CHDH: variants seen among roughly 807,000 people sequenced by gnomAD.
CHDH encodes choline dehydrogenase.
Under a neutral mutation model 56.9 loss-of-function variants are expected in CHDH, and 43 were observed. That is an observed-to-expected ratio of 0.76 (90% confidence interval 0.59 to 0.97). The LOEUF is 0.97. CHDH is among the 50% of genes least tolerant of loss of function. The pLI is 0.00. For missense variants in CHDH, 816 were observed against 821.1 expected (o/e 0.99, Z 0.08); for synonymous variants, 364 against 348.5 (o/e 1.04, Z -0.50).
intron 8 of CHDH, 125 bp downstream of exon 8, chr3:53,818,813 G>A (rs2095620494): frequency 2.7e-6 from 2 of 737,618 alleles, no homozygotes; most frequent in Admixed American, 3.9e-5. Flanking sequence ...TGACACGGTG[G>A]GGGACGACAG....
rs1196298126 is a variant in CHDH at position 53,823,401 on chromosome 3, A to G, written c.608T>C (p.Leu203Pro). The G allele has an allele frequency of 6.2e-7, 1 of 1,602,322 alleles. No individual in the cohort carries two copies. Residue 203 changes from leucine (L) to proline (P), a missense_variant, in exon 3 of 9, where the codon CTG becomes CCG. Physicochemically the swap from Leu to Pro is moderately conservative, Grantham distance 98 (BLOSUM62 -3). Coordinates refer to ENST00000315251, the MANE Select transcript of CHDH (RefSeq NM_018397.5). ...KTNHPLHCAF[L>P]EATQQAGYPL... ...GTAGCCGGCCTGCTGCGTGGCCTCC[A>G]GGAATGCGCAGTGCAGCGGGTGGTT...
chr3:53,823,842 G>A lies in CHDH; in HGVS notation c.167C>T (p.Ala56Val), dbSNP rs1226766112. The A allele has an allele frequency of 8.2e-6, 13 of 1,587,468 alleles. No individual in the cohort carries two copies. Among genetic ancestry groups the A allele is most frequent in the South Asian group, 1.1e-5 (1 of 89,566 alleles). ...VGAGSAGCVL[A>V]GRLTEDPAER... Reference sequence around the variant, plus strand: ...GGCGGGGTCCTCCGTGAGCCTCCCAGCCAGCACGCAGCCCGCCGAGCCCGC... The same window carrying A: ...GGCGGGGTCCTCCGTGAGCCTCCCAACCAGCACGCAGCCCGCCGAGCCCGC... The change falls in exon 3 of 9, where the codon GCT (alanine) becomes GTT (valine). Residue 56 changes from alanine (A) to valine (V), a missense_variant. Transcript: ENST00000315251.
intron 5 of CHDH, among the ~76,000 whole-genome samples, chr3:53,820,910 G>A (rs1241048426): frequency 2.0e-5 from 3 of 152,332 alleles, no homozygotes; most frequent in Non-Finnish European, 2.9e-5. Flanking sequence ...CAGGGCCTAC[G>A]CCTTCAGCAG....
At chr3:53,825,835 AC>A (rs2095638089) in intron 2 of CHDH, among the ~76,000 whole-genome samples, 1 of 152,310 alleles carries the variant, frequency 6.6e-6, no homozygotes, top group East Asian at 1.9e-4. Flanking sequence ...CTGTAGCCAG[AC>A]AAAAAACATA....
intron 2 of CHDH, among the ~76,000 whole-genome samples, chr3:53,836,306 C>A (rs1343937095): frequency 6.6e-6 from 1 of 152,230 alleles, no homozygotes; most frequent in Non-Finnish European, 1.5e-5. Flanking sequence ...CATGGCCCCC[C>A]AGGCCCTCTT....
intron 6 of CHDH, 23 bp downstream of exon 6, chr3:53,820,451 A>C: frequency 6.3e-7 from 1 of 1,598,146 alleles, no homozygotes; most frequent in African/African-American, 1.3e-5. Context: ...GTCTCCTCCC[A>C]GGTTACTGGT....
Position 53,819,101 on chromosome 3 carries a change from C to A in CHDH, c.1264-61G>T. 2 of 1,186,036 alleles carry A rather than the reference C, an allele frequency of 1.7e-6. No individual in the cohort carries two copies. Among genetic ancestry groups the A allele is most frequent in the South Asian group, 1.3e-5 (1 of 74,828 alleles). 73.5% of individuals were successfully genotyped at this position (1,186,036 alleles called of 1,614,324 possible). On this transcript the variant is annotated intron_variant, in intron 7 of 8. Transcript: ENST00000315251. The surrounding 1 kb of genome is among the most constrained non-coding windows in gnomAD (Gnocchi z 5.4). Reference sequence around the variant, plus strand: ...CATAGACATCCACAGTGACCTCTGTCAACCCTGGTTTACCTGTAGGGTGGG... The same window carrying A: ...CATAGACATCCACAGTGACCTCTGTAAACCCTGGTTTACCTGTAGGGTGGG...
intron 1 of CHDH, among the ~76,000 whole-genome samples, chr3:53,843,944 G>A (rs1300085188): frequency 1.3e-5 from 2 of 152,168 alleles, no homozygotes; most frequent in African/African-American, 4.8e-5. Context: ...TGTGCCTTCC[G>A]GCAGGCCACC....
At chr3:53,841,138 A>G (rs954972990) in intron 1 of CHDH, 139 bp from the exon 2 acceptor site, 5 of 152,204 alleles carry the variant, frequency 3.3e-5, no homozygotes, top group Admixed American at 1.3e-4. Flanking sequence ...CCATTTTATT[A>G]TAACAATTTT....
chr3:53,826,694 G>A (rs937140585), intron 2 of CHDH, among the ~76,000 whole-genome samples: 2 of 152,184 alleles, frequency 1.3e-5, no homozygotes, highest in African/African-American at 2.4e-5. Flanking sequence ...AACCAGGAAC[G>A]AAGCAAGGAT....
chr3:53,819,754 T>C lies in CHDH; in HGVS notation c.1121-80A>G. 1 of 1,441,184 alleles carries C rather than the reference T, an allele frequency of 6.9e-7. No individual in the cohort carries two copies. Among genetic ancestry groups the C allele is most frequent in the Non-Finnish European group, 9.2e-7 (1 of 1,083,644 alleles). The allele number at this position is 1,441,184 out of a possible 1,614,324, so 89.3% of individuals were successfully genotyped here. A position where few individuals can be genotyped will look rare whatever the true frequency, so the allele number is the denominator to read the frequency against. On this transcript the variant is annotated intron_variant, in intron 6 of 8. Transcript: ENST00000315251. This position sits in a 1 kb window ranked among gnomAD's most constrained non-coding sequence, Gnocchi z 5.4. ...CCGGCTGCTCCTGGTTTCCCTCCTT[T>C]CTCCTGGCCGCTCCTCTTCCTTTTC...
rs1279200449 is a variant in CHDH at position 53,823,633 on chromosome 3, G to T, written c.376C>A (p.Arg126Ser). 1 of 1,543,940 alleles carries T rather than the reference G, an allele frequency of 6.5e-7. No individual in the cohort carries two copies. The highest frequency in any genetic ancestry group is 8.7e-7 in the Non-Finnish European group (1 of 1,146,202). The change falls in exon 3 of 9, where the codon CGC becomes AGC. Residue 126 changes from arginine (R) to serine (S), a missense_variant. Physicochemically the swap from Arg to Ser is moderately radical, Grantham distance 110. Coordinates refer to ENST00000315251, the MANE Select transcript of CHDH (RefSeq NM_018397.5). ...AGGGATGAGGAGCCACCCCAGACGC[G>T]GCCGCGTGGCCAGTACAGCACGCGG... Reference protein sequence around the residue: ...DGRVLYWPRGRVWGGSSSLNA... With the variant: ...DGRVLYWPRGSVWGGSSSLNA...
intron 2 of CHDH, among the ~76,000 whole-genome samples, chr3:53,837,541 C>G (rs1014766883): frequency 6.6e-6 from 1 of 152,224 alleles, no homozygotes; most frequent in African/African-American, 2.4e-5. Flanking sequence ...GTTGGTAAGG[C>G]GTGGGCGCTG....
chr3:53,831,891 C>T (rs1698343471), intron 2 of CHDH, among the ~76,000 whole-genome samples: 3 of 151,066 alleles, frequency 2.0e-5, no homozygotes, highest in Admixed American at 2.0e-4. Context: ...ATAATAAAGG[C>T]TGCAGTGAGC....
chr3:53,840,877 T>C lies in CHDH; in HGVS notation c.-60+52A>G, dbSNP rs534142279. ...AAATGCTCATTGCCAGCTTCCTTTT[T>C]CAAGTAAACTTTTAACCCATCTTTT... On this transcript the variant is annotated intron_variant, in intron 2 of 8. Transcript: ENST00000315251. 3 of 152,304 alleles carry C rather than the reference T, an allele frequency of 2.0e-5. No homozygotes were observed. The East Asian group carries it at 5.8e-4, about 29-fold the overall frequency. 9.4% of individuals were successfully genotyped at this position (152,304 alleles called of 1,614,324 possible).
At chr3:53,833,902 C>A (rs1227568823) in intron 2 of CHDH, among the ~76,000 whole-genome samples, 1 of 152,208 alleles carries the variant, frequency 6.6e-6, no homozygotes, top group Non-Finnish European at 1.5e-5. Context: ...CAAGCCACAC[C>A]TTCCATCTGG....
chr3:53,823,145 G>A (rs185927090), intron 3 of CHDH, among the ~76,000 whole-genome samples, 161 bp downstream of exon 3: 8 of 152,310 alleles, frequency 5.3e-5, no homozygotes, highest in Admixed American at 2.0e-4. Context: ...TTGTACTCTT[G>A]GAGGGGTATA....
rs1364704459 is a variant in CHDH, at chr3:53,816,528, C to CT, written c.*1248dup. On this transcript the variant is annotated 3_prime_UTR_variant, in exon 9 of 9. Transcript: ENST00000315251. ...TACAGCCACAGGGTGCATGGCTGTG[C>CT]TTAACTGTGTTTTCCATCCTAGTCT... 3 of 152,190 alleles carry CT rather than the reference C, an allele frequency of 2.0e-5. No individual in the cohort carries two copies. The highest frequency in any genetic ancestry group is 4.8e-5 in the African/African-American group (2 of 41,438). The allele number at this position is 152,190 out of a possible 1,614,324, so 9.4% of individuals were successfully genotyped here. A position where few individuals can be genotyped will look rare whatever the true frequency, so the allele number is the denominator to read the frequency against.
In CHDH at chr3:53,817,536, A is replaced by G. The variant is rs1010050179; in HGVS notation, c.*241T>C. The stretch of plus-strand genomic sequence containing the variant: ...TCCAGGAGGCAGGGAGGAACATCTC[A>G]GGCTGAATGCTGGCCTTCCCCAAAT... On this transcript the variant is annotated 3_prime_UTR_variant, in exon 9 of 9. Coordinates refer to ENST00000315251, the MANE Select transcript of CHDH (RefSeq NM_018397.5). The G allele has an allele frequency of 1.1e-5, 6 of 524,994 alleles. No individual in the cohort carries two copies. The highest frequency in any genetic ancestry group is 2.0e-5 in the Non-Finnish European group (6 of 300,280). The allele number at this position is 524,994 out of a possible 1,614,324, so 32.5% of individuals were successfully genotyped here.
Sources: gnomAD v4.1 joint callset for allele counts (sites outside exome capture counted in the v4.1 genomes callset) on GRCh38, gnomAD v4.1.1 for gene constraint, Gnocchi (gnomAD v3.1) non-coding constraint, MANE v1.5 for transcripts, NCBI Gene and HGNC (gene_info 2026-07-23, HGNC 2026-07-21) for gene names.